Variants in FARP1 observed in about 807,000 individuals in gnomAD.
FARP1 encodes the protein FERM, ARH/RhoGEF and pleckstrin domain protein 1.
Under a neutral mutation model 128.8 loss-of-function variants are expected in FARP1, and 52 were observed. The ratio of observed to expected loss-of-function variants is 0.40; its 90% CI spans 0.32 to 0.51. The LOEUF (loss-of-function observed/expected upper bound fraction) is 0.51, where lower values mean the gene tolerates loss of function less well. Among genes scored for constraint, FARP1 ranks in the 20% least tolerant of loss-of-function variants. The pLI is 0.45. For synonymous variants in FARP1, 580 were observed against 551.8 expected, an observed-to-expected ratio of 1.05 and a Z score of -0.72; for missense variants, 1,333 against 1,367.9, an observed-to-expected ratio of 0.97 and a Z score of 0.40.
At chr13:98,293,284 C>T (rs958718172) in intron 2 of FARP1, among the ~76,000 whole-genome samples, 1 of 152,108 alleles carries the variant, frequency 6.6e-6, no homozygotes, top group South Asian at 2.1e-4. Context: ...CTAAGGAGGT[C>T]TGTGAGAACA....
intron 2 of FARP1, among the ~76,000 whole-genome samples, chr13:98,252,911 ATTGT>A (rs1335031907): frequency 6.6e-6 from 1 of 152,210 alleles, no homozygotes; most frequent in Non-Finnish European, 1.5e-5. Context: ...ATACTTCCAA[ATTGT>A]TTGACACCAA....
At chr13:98,324,541 A>G (rs1887149841) in intron 2 of FARP1, among the ~76,000 whole-genome samples, 1 of 152,170 alleles carries the variant, frequency 6.6e-6, no homozygotes, top group South Asian at 2.1e-4. Context: ...TACTTTTTGA[A>G]AGGATGCCCT....
intron 5 of FARP1, 108 bp from the exon 6 acceptor site, chr13:98,377,713 T>A: frequency 1.4e-6 from 1 of 737,260 alleles, no homozygotes; most frequent in East Asian, 2.5e-5. Flanking sequence ...CCATGCAGAC[T>A]TCGTGGTTGG....
chr13:98,147,310 T>G (rs1352171129), intron 1 of FARP1, among the ~76,000 whole-genome samples: 1 of 152,200 alleles, frequency 6.6e-6, no homozygotes, highest in East Asian at 1.9e-4. Context: ...AACTCAGATT[T>G]TAAGTTTTCT....
intron 2 of FARP1, among the ~76,000 whole-genome samples, chr13:98,225,038 T>C (rs1881676797): frequency 6.6e-6 from 1 of 152,230 alleles, no homozygotes; most frequent in Non-Finnish European, 1.5e-5. Context: ...TCTGAATTTC[T>C]AGACGGTCTT....
chr13:98,419,702 G>T (rs1455191202), intron 16 of FARP1, among the ~76,000 whole-genome samples: 1 of 152,144 alleles, frequency 6.6e-6, no homozygotes, highest in Non-Finnish European at 1.5e-5. Flanking sequence ...GCAGGGAATA[G>T]TGAGGACAAT....
intron 2 of FARP1, among the ~76,000 whole-genome samples, chr13:98,314,400 C>T (rs1445366892): frequency 1.3e-5 from 2 of 150,632 alleles, no homozygotes; most frequent in Admixed American, 1.3e-4. Flanking sequence ...CTGCCTCAGC[C>T]TCCCGAGTAG....
chr13:98,207,907 TCCACACACACAC>T (rs1165508851), intron 1 of FARP1, among the ~76,000 whole-genome samples: 20 of 33,166 alleles, frequency 6.0e-4, no homozygotes, highest in African/African-American at 2.2e-3. Context: ...GACCACCACC[TCCACACACACAC>T]ACACACACAC....
intron 13 of FARP1, chr13:98,402,896 G>A (rs1015833819): frequency 1.8e-4 from 27 of 152,168 alleles, no homozygotes; most frequent in African/African-American, 6.3e-4. Context: ...AGAAAAGGCT[G>A]GGGACTTCAT....
At chr13:98,416,001 T>C (rs12429460) in intron 16 of FARP1, among the ~76,000 whole-genome samples, 26,017 of 152,256 alleles carry the variant, frequency 0.17, 2,489 homozygotes, top group East Asian at 0.31. Context: ...GGAAGGGGCT[T>C]AGTATACTGC....
intron 2 of FARP1, among the ~76,000 whole-genome samples, chr13:98,238,803 CTA>C (rs1882598050): frequency 6.6e-6 from 1 of 152,062 alleles, no homozygotes; most frequent in African/African-American, 2.4e-5. Flanking sequence ...CATTGACTGG[CTA>C]TGTTACTGAT....
Position 98,439,125 on chromosome 13 carries a change from T to C in FARP1, c.2362T>C (p.Tyr788His). 2 of 1,613,898 alleles carry C rather than the reference T, an allele frequency of 1.2e-6. No homozygotes were observed. The highest frequency in any genetic ancestry group is 1.7e-6 in the Non-Finnish European group (2 of 1,179,890). The change falls in exon 21 of 27, where the codon TAC becomes CAC. Residue 788 changes from tyrosine (Y) to histidine (H), a missense_variant. Physicochemically the swap from Tyr to His is moderately conservative, Grantham distance 83. Transcript: ENST00000319562. ...CCTCCAGTTCAACGACGTCCTGCTA[T>C]ACACGAGCCGGGGGCTGACGGCCTC... ...MFFLFNDVLL[Y>H]TSRGLTASNQ... is the part of the protein sequence containing the mutation.
At chr13:98,300,265 G>T (rs1307909580) in intron 2 of FARP1, among the ~76,000 whole-genome samples, 1 of 152,192 alleles carries the variant, frequency 6.6e-6, no homozygotes. Flanking sequence ...GTGTGGGGAC[G>T]ACAGGCTTTC....
At chr13:98,168,291 A>G (rs1295232853) in intron 1 of FARP1, among the ~76,000 whole-genome samples, 2 of 152,206 alleles carry the variant, frequency 1.3e-5, no homozygotes, top group Admixed American at 6.5e-5. Flanking sequence ...TGTATATACC[A>G]TAACTAATTT....
rs146183358 is a variant in FARP1 at position 98,204,211 on chromosome 13, A to T, written c.-23-9009A>T. ...CACATCCAGATTCTCCACATTCTTG[A>T]TAACACTTGTTATTGTCTGTCTTTT... is the stretch of plus-strand genomic sequence containing the variant. On this transcript the variant is annotated intron_variant, in intron 1 of 26. Coordinates refer to ENST00000319562, the MANE Select transcript of FARP1 (RefSeq NM_005766.4). The T allele has an allele frequency of 2.6e-5, 4 of 152,344 alleles. No homozygotes were observed. The East Asian group carries it at 7.7e-4, about 29-fold the overall frequency. The allele number at this position is 152,344 out of a possible 1,614,324, so 9.4% of individuals were successfully genotyped here.
chr13:98,339,947 T>A (rs1356124317), intron 2 of FARP1, among the ~76,000 whole-genome samples: 1 of 152,134 alleles, frequency 6.6e-6, no homozygotes. Context: ...CCTCATATTG[T>A]ATGCACTCCA....
At chr13:98,309,636 A>G (rs1478180816) in intron 2 of FARP1, among the ~76,000 whole-genome samples, 1 of 152,206 alleles carries the variant, frequency 6.6e-6, no homozygotes, top group Non-Finnish European at 1.5e-5. Context: ...AAATGCTTAA[A>G]AAAGAATAAA....
At chr13:98,339,099 G>A (rs1887858679) in intron 2 of FARP1, among the ~76,000 whole-genome samples, 1 of 152,152 alleles carries the variant, frequency 6.6e-6, no homozygotes, top group Non-Finnish European at 1.5e-5. Context: ...GGGTGTTAAT[G>A]CACAGTCCAC....
rs373409812 is a variant in FARP1 at position 98,448,501 on chromosome 13, C to G, written c.*184C>G. The G allele has an allele frequency of 3.0e-5, 18 of 590,772 alleles. No individual in the cohort carries two copies. The highest frequency in any genetic ancestry group is 3.0e-5 in the Admixed American group (1 of 33,524). The allele number at this position is 590,772 out of a possible 1,614,324, so 36.6% of individuals were successfully genotyped here. ...CCTCTCAGCGTCTGAATGAACAGCG[C>G]TCCCACCTCCAGTCCTGGCATCCGC... On this transcript the variant is annotated 3_prime_UTR_variant, in exon 27 of 27. Transcript: ENST00000319562.
Sources: allele counts gnomAD v4.1 joint callset (sites outside exome capture counted in the v4.1 genomes callset), GRCh38; gene constraint gnomAD v4.1.1; transcripts MANE v1.5; gene names NCBI Gene and HGNC (gene_info 2026-07-23, HGNC 2026-07-21).